Variants in NLGN1 observed in about 807,000 individuals in gnomAD.
NLGN1 encodes neuroligin 1.
In NLGN1, 12 loss-of-function variants were observed where a neutral mutation model predicts 65.5. The ratio of observed to expected loss-of-function variants is 0.18; its 90% CI spans 0.12 to 0.30. The LOEUF is 0.30. Ranked by LOEUF, NLGN1 falls within the 10% of genes least tolerant of loss-of-function variation. The pLI is 1.00. For synonymous variants in NLGN1, 350 were observed against 359.5 expected, an observed-to-expected ratio of 0.97 and a Z score of 0.30; for missense variants, 750 against 1,007.1, an observed-to-expected ratio of 0.74 and a Z score of 3.46.
chr3:173,822,625 A>G (rs1371183891), intron 4 of NLGN1, among the ~76,000 whole-genome samples: 5 of 152,128 alleles, frequency 3.3e-5, no homozygotes, highest in African/African-American at 1.2e-4. Flanking sequence ...ATTTAAAACA[A>G]TTCTGATCCC....
chr3:174,246,855 T>C (rs1187033159), intron 4 of NLGN1, among the ~76,000 whole-genome samples: 1 of 152,150 alleles, frequency 6.6e-6, no homozygotes, highest in South Asian at 2.1e-4. Context: ...CATTGATGGA[T>C]TGGATCAGCA....
chr3:173,702,194 C>A (rs1401511343), intron 3 of NLGN1, among the ~76,000 whole-genome samples: 25 of 149,262 alleles, frequency 1.7e-4, no homozygotes, highest in African/African-American at 5.4e-4. Flanking sequence ...AGCCGAGATC[C>A]CGCCACTGCA....
intron 1 of NLGN1, among the ~76,000 whole-genome samples, chr3:173,418,119 G>C (rs1714168168): frequency 6.6e-6 from 1 of 150,414 alleles, no homozygotes. Flanking sequence ...TAACAAAGAT[G>C]GTATTTTAAT....
intron 4 of NLGN1, among the ~76,000 whole-genome samples, chr3:174,068,013 T>G (rs1739018491): frequency 6.6e-6 from 1 of 151,890 alleles, no homozygotes; most frequent in Non-Finnish European, 1.5e-5. Flanking sequence ...GCTGGAGTGT[T>G]TGTTTCCCAC....
chr3:173,938,775 C>A (rs925687824), intron 4 of NLGN1, among the ~76,000 whole-genome samples: 2 of 152,100 alleles, frequency 1.3e-5, no homozygotes, highest in Non-Finnish European at 2.9e-5. Context: ...ATCTGATCAG[C>A]TCCTACAGTA....
intron 4 of NLGN1, among the ~76,000 whole-genome samples, chr3:173,993,378 A>G (rs1721542670): frequency 6.6e-6 from 1 of 152,216 alleles, no homozygotes; most frequent in African/African-American, 2.4e-5. Flanking sequence ...ATTTTCGGCT[A>G]GCTGTATTTG....
intron 3 of NLGN1, among the ~76,000 whole-genome samples, chr3:173,717,471 T>G (rs1312256266): frequency 6.6e-6 from 1 of 152,006 alleles, no homozygotes; most frequent in Non-Finnish European, 1.5e-5. Flanking sequence ...TCTTCAGCAA[T>G]GGGAGTCAAA....
intron 4 of NLGN1, among the ~76,000 whole-genome samples, chr3:173,924,452 A>T (rs1446282460): frequency 6.6e-6 from 1 of 151,962 alleles, no homozygotes; most frequent in Non-Finnish European, 1.5e-5. Flanking sequence ...GTAATGTATG[A>T]TAGTAGGTCT....
intron 2 of NLGN1, among the ~76,000 whole-genome samples, chr3:173,586,426 C>T (rs1242187883): frequency 2.0e-5 from 3 of 152,034 alleles, no homozygotes; most frequent in Non-Finnish European, 2.9e-5. Context: ...CAGATACATG[C>T]GACGTTCTGA....
intron 3 of NLGN1, among the ~76,000 whole-genome samples, chr3:173,786,791 A>G (rs1296602370): frequency 6.6e-6 from 1 of 152,150 alleles, no homozygotes; most frequent in Non-Finnish European, 1.5e-5. Flanking sequence ...GAAAACAGAT[A>G]TGGGGCAGGG....
At chr3:174,047,534 T>A (rs1020837095) in intron 4 of NLGN1, among the ~76,000 whole-genome samples, 6 of 152,044 alleles carry the variant, frequency 3.9e-5, no homozygotes, top group African/African-American at 1.4e-4. Context: ...TTTGAGACAA[T>A]TTCTGTCCTT....
chr3:173,971,500 C>T (rs557834332), intron 4 of NLGN1, among the ~76,000 whole-genome samples: 2 of 151,972 alleles, frequency 1.3e-5, no homozygotes, highest in Non-Finnish European at 2.9e-5. Flanking sequence ...CATATTATCA[C>T]ATTGCATGCA....
At chr3:174,155,792 C>G (rs747046954) in intron 4 of NLGN1, among the ~76,000 whole-genome samples, 2 of 151,774 alleles carry the variant, frequency 1.3e-5, no homozygotes, top group Non-Finnish European at 2.9e-5. Context: ...TATATGCTAA[C>G]GTTATTTTTT....
chr3:174,018,034 CCAGAG>C (rs2152454248), intron 4 of NLGN1, among the ~76,000 whole-genome samples: 1 of 152,212 alleles, frequency 6.6e-6, no homozygotes, highest in East Asian at 1.9e-4. Flanking sequence ...ACAGATGTCC[CCAGAG>C]CAGCCATTTC....
chr3:173,659,069 G>A (rs1483370132), intron 3 of NLGN1, among the ~76,000 whole-genome samples: 2 of 151,896 alleles, frequency 1.3e-5, no homozygotes, highest in Non-Finnish European at 2.9e-5. Context: ...TATCTCATTA[G>A]GCAGGTGAGT....
intron 2 of NLGN1, among the ~76,000 whole-genome samples, chr3:173,589,509 A>T (rs937272299): frequency 6.6e-6 from 1 of 152,154 alleles, no homozygotes; most frequent in Non-Finnish European, 1.5e-5. Flanking sequence ...ACTTTTATTT[A>T]TTTATTTGAT....
chr3:173,612,867 C>T (rs1752521986), intron 3 of NLGN1, among the ~76,000 whole-genome samples: 1 of 152,044 alleles, frequency 6.6e-6, no homozygotes, highest in Non-Finnish European at 1.5e-5. Flanking sequence ...AGTTCTGGGC[C>T]TCTCTTTGTG....
intron 4 of NLGN1, among the ~76,000 whole-genome samples, chr3:173,826,635 T>C (rs1721390913): frequency 6.6e-6 from 1 of 152,124 alleles, no homozygotes; most frequent in African/African-American, 2.4e-5. Context: ...GTGTTAATGA[T>C]GATTCATTCG....
At chr3:173,662,136 C>T (rs537397325) in intron 3 of NLGN1, among the ~76,000 whole-genome samples, 12 of 152,126 alleles carry the variant, frequency 7.9e-5, no homozygotes, top group African/African-American at 2.9e-4. Context: ...TTATCCATGG[C>T]TGCTGAATAC....
Sources: gnomAD v4.1 joint callset for allele counts (sites outside exome capture counted in the v4.1 genomes callset) on GRCh38, gnomAD v4.1.1 for gene constraint, MANE v1.5 for transcripts, NCBI Gene and HGNC (gene_info 2026-07-23, HGNC 2026-07-21) for gene names.